The following TSPAN5 variants were observed in gnomAD, a reference collection of about 807,000 sequenced individuals.
TSPAN5 encodes tetraspanin 5, also known as tetraspanin-5.
A neutral mutation model predicts 37.1 loss-of-function variants in TSPAN5; 10 were observed. That is an observed-to-expected ratio of 0.27 (90% CI 0.17 to 0.46). The LOEUF is 0.46. Among genes scored for constraint, TSPAN5 ranks in the 20% least tolerant of loss-of-function variants. The pLI is 1.00. For missense variants in TSPAN5, 195 were observed against 326.6 expected (o/e 0.60, Z 3.11); for synonymous variants, 110 against 118.9 (o/e 0.93, Z 0.48).
At chr4:98,640,411 A>G (rs41399047) in intron 1 of TSPAN5, among the ~76,000 whole-genome samples, 16,724 of 152,210 alleles carry the variant, frequency 0.11, 986 homozygotes, top group African/African-American at 0.12. Context: ...GGAAACTGTA[A>G]TGTTCTGTAG....
chr4:98,495,124 G>A (rs904968017), intron 2 of TSPAN5, among the ~76,000 whole-genome samples: 4 of 152,212 alleles, frequency 2.6e-5, no homozygotes, highest in African/African-American at 9.6e-5. Context: ...CACACTGGTT[G>A]TCAGTCACCA....
chr4:98,551,479 T>TC (rs1754613506), intron 1 of TSPAN5, among the ~76,000 whole-genome samples: 2 of 135,470 alleles, frequency 1.5e-5, no homozygotes, highest in Admixed American at 8.4e-5. Context: ...TATGGTTTTT[T>TC]CCTTTTTCTT....
chr4:98,479,496 A>G (rs1752787576), intron 4 of TSPAN5, among the ~76,000 whole-genome samples: 1 of 152,192 alleles, frequency 6.6e-6, no homozygotes, highest in Admixed American at 6.5e-5. Flanking sequence ...CACATCACCA[A>G]GATTCCTATC....
At chr4:98,559,564 T>C (rs1356018359) in intron 1 of TSPAN5, among the ~76,000 whole-genome samples, 2 of 152,210 alleles carry the variant, frequency 1.3e-5, no homozygotes, top group Non-Finnish European at 2.9e-5. Context: ...TTTTTTATTA[T>C]CATTAGTTAC....
rs570470327 is a variant in TSPAN5, at chr4:98,585,132, C to T, written c.81+73014G>A. On this transcript the variant is annotated intron_variant, in intron 1 of 7. Coordinates refer to ENST00000305798, the MANE Select transcript of TSPAN5 (RefSeq NM_005723.4). The stretch of plus-strand genomic sequence containing the variant: ...AAACCTAATTTTTAAAAAGTTTTTT[C>T]AAAATTCTTATACATTTAGGGGGTA... Among the ~76,000 whole-genome samples the T allele has an allele frequency of 2.6e-5, 4 of 152,198 alleles. No homozygotes were observed. In the South Asian group the frequency reaches 8.3e-4, roughly 32 times the overall value.
intron 1 of TSPAN5, among the ~76,000 whole-genome samples, chr4:98,565,450 G>A (rs1754982148): frequency 1.3e-5 from 2 of 152,126 alleles, no homozygotes; most frequent in East Asian, 3.9e-4. Flanking sequence ...AAAGAACTGA[G>A]GAGAAAATAT....
At chr4:98,610,384 G>C (rs766907613) in intron 1 of TSPAN5, among the ~76,000 whole-genome samples, 1 of 152,164 alleles carries the variant, frequency 6.6e-6, no homozygotes, top group Non-Finnish European at 1.5e-5. Flanking sequence ...TATGCTCTTT[G>C]GGGGACACAT....
At chr4:98,643,200 C>G (rs1334253599) in intron 1 of TSPAN5, among the ~76,000 whole-genome samples, 4 of 151,938 alleles carry the variant, frequency 2.6e-5, no homozygotes, top group Admixed American at 2.6e-4. Flanking sequence ...ACACAAATAC[C>G]ATCGTGTTAT....
At chr4:98,484,133 C>T in intron 3 of TSPAN5, 1 of 248,396 alleles carries the variant, frequency 4.0e-6, no homozygotes, top group Non-Finnish European at 8.0e-6. Context: ...TTATACATAC[C>T]AAAAATTGAG....
chr4:98,636,227 A>T (rs1327687073), intron 1 of TSPAN5, among the ~76,000 whole-genome samples: 4 of 152,198 alleles, frequency 2.6e-5, no homozygotes, highest in African/African-American at 9.7e-5. Context: ...TGGTGGAAAA[A>T]GGACTGACAC....
chr4:98,572,477 G>A (rs1439236103), intron 1 of TSPAN5, among the ~76,000 whole-genome samples: 1 of 152,194 alleles, frequency 6.6e-6, no homozygotes, highest in Admixed American at 6.5e-5. Flanking sequence ...AACAGACTGA[G>A]ACCGCTACCT....
At chr4:98,529,675 C>T (rs1356166100) in intron 1 of TSPAN5, among the ~76,000 whole-genome samples, 3 of 152,222 alleles carry the variant, frequency 2.0e-5, no homozygotes, top group African/African-American at 4.8e-5. Flanking sequence ...CCCGACCACT[C>T]CAAATGCAGG....
intron 1 of TSPAN5, 137 bp downstream of exon 1, chr4:98,658,009 C>A (rs13111424): frequency 0.04 from 31,713 of 785,384 alleles, 862 homozygotes; most frequent in South Asian, 0.068. Flanking sequence ...GCTGGAAAGG[C>A]GGAAGGCGAA....
chr4:98,485,118 A>C (rs1343989044), intron 3 of TSPAN5: 1 of 156,426 alleles, frequency 6.4e-6, no homozygotes, highest in Non-Finnish European at 1.4e-5. Context: ...CATCTAAAAA[A>C]AAAAAAAAAA....
chr4:98,553,002 T>C (rs1372803374), intron 1 of TSPAN5, among the ~76,000 whole-genome samples: 2 of 152,216 alleles, frequency 1.3e-5, no homozygotes, highest in African/African-American at 4.8e-5. Context: ...CATGAAAGTT[T>C]TGAAATGATG....
At chr4:98,629,269 G>C (rs1756688677) in intron 1 of TSPAN5, among the ~76,000 whole-genome samples, 1 of 152,136 alleles carries the variant, frequency 6.6e-6, no homozygotes, top group Admixed American at 6.5e-5. Flanking sequence ...CTATTTCTGA[G>C]CACACAACCA....
chr4:98,606,099 C>A (rs879650891), intron 1 of TSPAN5, among the ~76,000 whole-genome samples: 3 of 152,224 alleles, frequency 2.0e-5, no homozygotes, highest in Non-Finnish European at 2.9e-5. Flanking sequence ...TAAAATTATG[C>A]ACATCACAAG....
rs369505603 is a variant in TSPAN5 at position 98,573,448 on chromosome 4, CT to C, written c.82-65721del. 8.5e-5 allele frequency among the ~76,000 whole-genome samples: 13 copies of C among 152,326 alleles called. 2 individuals carry two copies. The highest frequency in any genetic ancestry group is 3.1e-4 in the African/African-American group (13 of 41,570). On this transcript the variant is annotated intron_variant, in intron 1 of 7. Transcript: ENST00000305798. The stretch of plus-strand genomic sequence containing the variant: ...ACAGATAGAGTCTATGTTGCCCAGG[CT>C]GGTCTCGAACTCCTGCGCTCAAGTG...
At chr4:98,595,905 A>G (rs1461450462) in intron 1 of TSPAN5, among the ~76,000 whole-genome samples, 3 of 13,748 alleles carry the variant, frequency 2.2e-4, no homozygotes, top group Non-Finnish European at 3.9e-4. Context: ...AAAAAAATGT[A>G]TATTCTGTTG....
Sources: allele counts gnomAD v4.1 joint callset (sites outside exome capture counted in the v4.1 genomes callset), GRCh38; gene constraint gnomAD v4.1.1; transcripts MANE v1.5; gene names NCBI Gene and HGNC (gene_info 2026-07-23, HGNC 2026-07-21).